MSTO1: variants seen among roughly 807,000 people sequenced by gnomAD.
MSTO1 encodes the protein protein misato homolog 1.
Under a neutral mutation model 55.7 loss-of-function variants are expected in MSTO1, and 24 were observed. The ratio of observed to expected loss-of-function variants is 0.43; its 90% CI spans 0.31 to 0.61. MSTO1 has a LOEUF of 0.61. Ranked by LOEUF, MSTO1 falls within the 20% of genes least tolerant of loss-of-function variation. The probability of loss-of-function intolerance (pLI) is 0.09; values close to 1 mark genes in which losing one functional copy is unlikely to be tolerated. For synonymous variants in MSTO1, 162 were observed against 252.8 expected, an observed-to-expected ratio of 0.64 and a Z score of 3.41; for missense variants, 363 against 625.7, an observed-to-expected ratio of 0.58 and a Z score of 4.48.
At chr1:155,572,562 CTT>C in the MSTO1 span, among the ~76,000 whole-genome samples, 5 of 151,986 alleles carry the variant, frequency 3.3e-5, no homozygotes, top group Middle Eastern at 3.2e-3. Context: ...AAATACAAAA[CTT>C]AACCAGCCAT....
At chr1:155,593,742 T>A in the MSTO1 span, among the ~76,000 whole-genome samples, 4 of 149,970 alleles carry the variant, frequency 2.7e-5, no homozygotes. Context: ...GCTGAGGTGG[T>A]CAGATCACGA....
chr1:155,563,669 TG>T, the MSTO1 span: 1 of 426,734 alleles, frequency 2.3e-6, no homozygotes, highest in Non-Finnish European at 4.8e-6. Flanking sequence ...CATTCAGTTC[TG>T]GACTTAGTCT....
chr1:155,613,734 G>A lies in MSTO1; in HGVS notation c.1466G>A (p.Gly489Asp). 6.2e-7 allele frequency: 1 copy of A among 1,608,174 alleles called. No individual in the cohort carries two copies. The highest frequency in any genetic ancestry group is 8.5e-7 in the Non-Finnish European group (1 of 1,176,332). ...CTCTTCTCAAGCTGCAGTCCACCGGGTATGGTTCTGGATGGTTCCCCCAAG... is the reference window on the plus strand; with the variant it reads ...CTCTTCTCAAGCTGCAGTCCACCGGATATGGTTCTGGATGGTTCCCCCAAG... ...PHLFSSCSPP[G>D]MVLDGSPKGA... The change falls in exon 13 of 14, where the codon GGT becomes GAT. Residue 489 changes from glycine (G) to aspartate (D), a missense_variant. This residue lies in a region of MSTO1 where 38 missense variants were observed against 126.4 expected (regional missense o/e 0.30). Coordinates refer to ENST00000245564, the MANE Select transcript of MSTO1 (RefSeq NM_018116.4).
Position 155,614,415 on chromosome 1 carries a change from T to C in MSTO1, c.*142T>C. The stretch of plus-strand genomic sequence containing the variant: ...CTTTTTACATTTAGAAACACTGTGA[T>C]TAGACCACAGAACAATAAATATGTG... On this transcript the variant is annotated 3_prime_UTR_variant, in exon 14 of 14. Transcript: ENST00000245564. The C allele has an allele frequency of 1.7e-6, 1 of 586,354 alleles. No homozygotes were observed. The highest frequency in any genetic ancestry group is 2.0e-5 in the South Asian group (1 of 48,836). 36.3% of individuals were successfully genotyped at this position (586,354 alleles called of 1,614,324 possible). A position where few individuals can be genotyped will look rare whatever the true frequency, so the allele number is the denominator to read the frequency against.
At chr1:155,592,526 C>T in the MSTO1 span, among the ~76,000 whole-genome samples, 1 of 151,938 alleles carries the variant, frequency 6.6e-6, no homozygotes, top group African/African-American at 2.4e-5. Context: ...CATTCTCAGA[C>T]AAAGCTGGAG....
chr1:155,603,491 T>C, the MSTO1 span, among the ~76,000 whole-genome samples: 1 of 152,144 alleles, frequency 6.6e-6, no homozygotes, highest in African/African-American at 2.4e-5. Flanking sequence ...GTAAAAGAGA[T>C]AAAAGAATTG....
chr1:155,608,450 G>A (rs1202514518), upstream of MSTO1, among the ~76,000 whole-genome samples: 1 of 151,660 alleles, frequency 6.6e-6, no homozygotes, highest in Non-Finnish European at 1.5e-5. Context: ...CAAAACGTGG[G>A]AATACAGGCG....
chr1:155,569,595 G>A, the MSTO1 span, among the ~76,000 whole-genome samples: 3 of 151,704 alleles, frequency 2.0e-5, no homozygotes, highest in Non-Finnish European at 4.4e-5. Flanking sequence ...CCGCCACCAC[G>A]CCTGACTAAT....
At chr1:155,613,331 C>G (rs1256069108) in intron 11 of MSTO1, 98 bp downstream of exon 11, 31 of 1,573,574 alleles carry the variant, frequency 2.0e-5, no homozygotes, top group Non-Finnish European at 2.7e-5. Context: ...CTGTTCCCTC[C>G]CCACCCCTTA....
the MSTO1 span, among the ~76,000 whole-genome samples, chr1:155,583,937 C>T: frequency 1.3e-5 from 2 of 152,148 alleles, no homozygotes; most frequent in Non-Finnish European, 2.9e-5. Flanking sequence ...GCCCTGAAAT[C>T]CCACAAGTAA....
the MSTO1 span, among the ~76,000 whole-genome samples, chr1:155,600,556 C>CT: frequency 4.7e-5 from 7 of 149,892 alleles, no homozygotes; most frequent in Admixed American, 1.3e-4. Flanking sequence ...TTTTTTCTTT[C>CT]TTTTTTTTTG....
At chr1:155,603,789 C>T in the MSTO1 span, among the ~76,000 whole-genome samples, 1 of 151,520 alleles carries the variant, frequency 6.6e-6, no homozygotes, top group African/African-American at 2.4e-5. Flanking sequence ...ACCTGGGAGG[C>T]AGAGGTTGCA....
At chr1:155,575,516 C>G in the MSTO1 span, among the ~76,000 whole-genome samples, 1 of 151,936 alleles carries the variant, frequency 6.6e-6, no homozygotes, top group African/African-American at 2.4e-5. Context: ...AATCACGGCT[C>G]ACTGCAGCCT....
the MSTO1 span, among the ~76,000 whole-genome samples, chr1:155,599,613 CACAGAG>C: frequency 5.3e-5 from 8 of 152,228 alleles, no homozygotes; most frequent in African/African-American, 1.7e-4. Context: ...AAGAAAAAGA[CACAGAG>C]ACAAAGTATG....
chr1:155,588,535 A>G, the MSTO1 span, among the ~76,000 whole-genome samples: 3 of 152,178 alleles, frequency 2.0e-5, no homozygotes, highest in Non-Finnish European at 4.4e-5. Context: ...CTGGCTAGGT[A>G]ACTTACCTGA....
At chr1:155,584,769 C>A in the MSTO1 span, among the ~76,000 whole-genome samples, 1 of 149,500 alleles carries the variant, frequency 6.7e-6, no homozygotes, top group Non-Finnish European at 1.5e-5. Context: ...TAGACAATAT[C>A]TCACTGTATC....
At chr1:155,593,812 C>CA in the MSTO1 span, among the ~76,000 whole-genome samples, 3 of 151,850 alleles carry the variant, frequency 2.0e-5, no homozygotes, top group African/African-American at 4.8e-5. Context: ...ACTAAAAATA[C>CA]AAAAAAACTA....
chr1:155,608,836 T>G (rs1184890907), upstream of MSTO1, among the ~76,000 whole-genome samples: 1 of 150,852 alleles, frequency 6.6e-6, no homozygotes, highest in Non-Finnish European at 1.5e-5. Flanking sequence ...TTATTTTTTA[T>G]TTTTTAGAGA....
the MSTO1 span, among the ~76,000 whole-genome samples, chr1:155,578,474 A>C: frequency 4.4e-5 from 6 of 136,786 alleles, no homozygotes; most frequent in Non-Finnish European, 7.7e-5. Context: ...AAGTAGCTGG[A>C]ACTACAGGCA....
Sources: gnomAD v4.1 joint callset for allele counts (sites outside exome capture counted in the v4.1 genomes callset) on GRCh38, gnomAD v4.1.1 for gene constraint, gnomAD v4.1.1 regional missense constraint, MANE v1.5 for transcripts, NCBI Gene and HGNC (gene_info 2026-07-23, HGNC 2026-07-21) for gene names.